ATP10D: variants seen among roughly 807,000 people sequenced by gnomAD.
ATP10D encodes the protein ATPase phospholipid transporting 10D (putative).
In ATP10D, 89 loss-of-function variants were observed where a neutral mutation model predicts 144.8. The observed-to-expected ratio is 0.61, with a 90% CI of 0.52 to 0.73. The LOEUF (loss-of-function observed/expected upper bound fraction) is 0.73, where lower values mean the gene tolerates loss of function less well. ATP10D is among the 30% of genes least tolerant of loss of function. The pLI is 0.00. For missense variants in ATP10D, 1,603 were observed against 1,714.8 expected, an observed-to-expected ratio of 0.93 and a Z score of 1.15; for synonymous variants, 571 against 615.1, an observed-to-expected ratio of 0.93 and a Z score of 1.06.
At chr4:47,505,103 A>G (rs1715948675) in intron 1 of ATP10D, among the ~76,000 whole-genome samples, 1 of 152,210 alleles carries the variant, frequency 6.6e-6, no homozygotes, top group Non-Finnish European at 1.5e-5. Flanking sequence ...GACCTCATCA[A>G]CAATCTTTTG....
intron 1 of ATP10D, among the ~76,000 whole-genome samples, chr4:47,502,058 G>A: frequency 1.3e-5 from 2 of 152,224 alleles, no homozygotes; most frequent in South Asian, 4.1e-4. Flanking sequence ...ATTTCTTTTA[G>A]TTCCCAATAA....
intron 1 of ATP10D, among the ~76,000 whole-genome samples, chr4:47,505,476 C>T (rs921758568): frequency 3.3e-5 from 5 of 152,088 alleles, no homozygotes; most frequent in Non-Finnish European, 7.4e-5. Context: ...ATAATCCTAG[C>T]ACTTTGGGAG....
chr4:47,540,044 T>C (rs985994446), intron 9 of ATP10D, among the ~76,000 whole-genome samples: 2 of 152,214 alleles, frequency 1.3e-5, no homozygotes, highest in Non-Finnish European at 2.9e-5. Flanking sequence ...TTCTCTACCA[T>C]AGACACACCT....
intron 16 of ATP10D, among the ~76,000 whole-genome samples, chr4:47,571,725 A>G (rs763044993): frequency 1.3e-5 from 2 of 152,198 alleles, no homozygotes; most frequent in Non-Finnish European, 2.9e-5. Flanking sequence ...ATGAAAGGGC[A>G]TCTGATCTTT....
At chr4:47,503,253 G>A (rs549714298) in intron 1 of ATP10D, among the ~76,000 whole-genome samples, 26 of 152,204 alleles carry the variant, frequency 1.7e-4, no homozygotes, top group African/African-American at 6.0e-4. Context: ...ACTTATTGCT[G>A]TGGATATTCC....
intron 5 of ATP10D, among the ~76,000 whole-genome samples, chr4:47,527,874 A>T (rs2109415431): frequency 6.6e-6 from 1 of 152,282 alleles, no homozygotes; most frequent in African/African-American, 2.4e-5. Flanking sequence ...TAACATGGCC[A>T]TCCCACTCCT....
rs553294973 is a variant in ATP10D at position 47,487,125 on chromosome 4, A to T, written c.-38+1606A>T. On this transcript the variant is annotated intron_variant, in intron 1 of 22. Transcript: ENST00000273859. ...ATGCCTGTAATCCCAGCTACTCGGG[A>T]GGCTGAGGCAGGAGAATCGCTTGAG... 8.7e-5 allele frequency among the ~76,000 whole-genome samples: 13 copies of T among 149,038 alleles called. No individual in the cohort carries two copies. The South Asian group carries it at 2.8e-3, about 32-fold the overall frequency.
In ATP10D at chr4:47,535,889, A is replaced by C. The variant is rs1254603254; in HGVS notation, c.884-13A>C. ...ATTTGTACATTTTCTATCATACTGC[A>C]CATCCTTCATAGGCCATGAAACCAA... On this transcript the variant is annotated splice_polypyrimidine_tract_variant and intron_variant, in intron 6 of 22. Transcript: ENST00000273859. 6.2e-7 allele frequency: 1 copy of C among 1,607,268 alleles called. No individual in the cohort carries two copies. The highest frequency in any genetic ancestry group is 8.5e-7 in the Non-Finnish European group (1 of 1,177,734).
chr4:47,558,653 C>T (rs1031310742), intron 12 of ATP10D, among the ~76,000 whole-genome samples: 5 of 152,184 alleles, frequency 3.3e-5, no homozygotes, highest in African/African-American at 1.2e-4. Context: ...TAAATGTCAG[C>T]TAGCAGCATT....
At chr4:47,516,014 G>T (rs1716661811) in intron 3 of ATP10D, among the ~76,000 whole-genome samples, 1 of 152,196 alleles carries the variant, frequency 6.6e-6, no homozygotes, top group Non-Finnish European at 1.5e-5. Context: ...TGGATCGCCT[G>T]AGGTCAGGAG....
At chr4:47,547,006 C>T (rs1185751217) in intron 10 of ATP10D, 144 bp downstream of exon 10, 3 of 708,890 alleles carry the variant, frequency 4.2e-6, no homozygotes, top group Admixed American at 5.6e-5. Context: ...GATCACCACA[C>T]ATAATTAGAA....
intron 3 of ATP10D, among the ~76,000 whole-genome samples, chr4:47,520,114 C>A (rs1421945065): frequency 6.6e-6 from 1 of 152,162 alleles, no homozygotes; most frequent in Non-Finnish European, 1.5e-5. Context: ...CTTATATTTG[C>A]AAGAATATGA....
chr4:47,546,797 C>G lies in ATP10D; in HGVS notation c.1570C>G (p.Leu524Val), dbSNP rs979088273. 19 of 1,613,648 alleles carry G rather than the reference C, an allele frequency of 1.2e-5. No homozygotes were observed. The highest frequency in any genetic ancestry group is 1.7e-5 in the Admixed American group (1 of 60,016). ...TCATCTTGCTGGGAGCTCTTTTACT[C>G]TAGGAAGTGGAGAAGGAGCCAGTGA... Reference protein sequence around the residue: ...SNHLAGSSFTLGSGEGASEVP... With the variant: ...SNHLAGSSFTVGSGEGASEVP... Residue 524 changes from leucine to valine, a missense_variant, in exon 10 of 23, where the codon CTA becomes GTA. Physicochemically the swap from Leu to Val is conservative, Grantham distance 32. Transcript: ENST00000273859.
intron 13 of ATP10D, chr4:47,560,257 GCAAC>G (rs1359883463): frequency 1.3e-5 from 2 of 152,104 alleles, no homozygotes; most frequent in East Asian, 3.9e-4. Context: ...TCTTTCTATG[GCAAC>G]CTAAAGACAA....
intron 1 of ATP10D, among the ~76,000 whole-genome samples, chr4:47,488,484 G>C (rs1273604399): frequency 1.3e-5 from 2 of 151,606 alleles, no homozygotes; most frequent in Non-Finnish European, 2.9e-5. Context: ...TGTATTCCTA[G>C]GTGGTAAAGT....
rs780438747 is a variant in ATP10D, at chr4:47,591,295, T to C, written c.4195T>C (p.Ser1399Pro). 87 of 1,613,402 alleles carry C rather than the reference T, an allele frequency of 5.4e-5. No homozygotes were observed. The highest frequency in any genetic ancestry group is 7.1e-5 in the Non-Finnish European group (84 of 1,179,540). The change falls in exon 23 of 23, where the codon TCT becomes CCT. Residue 1399 changes from serine to proline, a missense_variant. By Grantham distance (74) the Ser-to-Pro change is moderately conservative. Coordinates refer to ENST00000273859, the MANE Select transcript of ATP10D (RefSeq NM_020453.4). ...SSCAIEQGNL[S>P]LCETALDQGY... is the part of the protein sequence containing the mutation. ...CTGTGCTATTGAGCAAGGAAACTTATCTCTGTGTGAAACTGCTTTAGATCA... is the reference window on the plus strand; with the variant it reads ...CTGTGCTATTGAGCAAGGAAACTTACCTCTGTGTGAAACTGCTTTAGATCA...
intron 1 of ATP10D, among the ~76,000 whole-genome samples, chr4:47,496,929 C>T (rs1259151161): frequency 6.6e-6 from 1 of 151,754 alleles, no homozygotes; most frequent in Non-Finnish European, 1.5e-5. Context: ...GTAACCTCTG[C>T]CTCCTGGGTT....
rs746096825 is a variant in ATP10D, at chr4:47,535,994, G to T, written c.976G>T (p.Val326Phe). 8 of 1,613,036 alleles carry T rather than the reference G, an allele frequency of 5.0e-6. No homozygotes were observed. Among genetic ancestry groups the T allele is most frequent in the South Asian group, 1.1e-5 (1 of 91,012 alleles). The change falls in exon 7 of 23, where the codon GTC becomes TTC. Residue 326 changes from valine (V) to phenylalanine (F), a missense_variant. By Grantham distance (50) the Val-to-Phe change is conservative. Transcript: ENST00000273859. ...RRANTDVLWC[V>F]MLLVIMCLTG... Reference sequence around the variant, plus strand: ...AGCAAACACAGATGTCCTCTGGTGTGTCATGCTTCTGGTCATAATGTGCTT... The same window carrying T: ...AGCAAACACAGATGTCCTCTGGTGTTTCATGCTTCTGGTCATAATGTGCTT...
intron 9 of ATP10D, among the ~76,000 whole-genome samples, chr4:47,544,404 G>T (rs767541034): frequency 6.6e-6 from 1 of 152,124 alleles, no homozygotes; most frequent in Non-Finnish European, 1.5e-5. Context: ...TAGAAAGGAC[G>T]CAAATGAATA....
Sources: gnomAD v4.1 joint callset for allele counts (sites outside exome capture counted in the v4.1 genomes callset) on GRCh38, gnomAD v4.1.1 for gene constraint, MANE v1.5 for transcripts, NCBI Gene and HGNC (gene_info 2026-07-23, HGNC 2026-07-21) for gene names.